The following ZFP91 variants were observed in gnomAD, a reference collection of about 807,000 sequenced individuals.
ZFP91 encodes the protein E3 ubiquitin-protein ligase ZFP91.
A neutral mutation model predicts 63.5 loss-of-function variants in ZFP91; 7 were observed. The ratio of observed to expected loss-of-function variants is 0.11; its 90% confidence interval spans 0.06 to 0.21. The LOEUF (loss-of-function observed/expected upper bound fraction) is 0.21, where lower values mean the gene tolerates loss of function less well. ZFP91 is among the 10% of genes least tolerant of loss of function. The pLI is 1.00. For synonymous variants in ZFP91, 330 were observed against 272.1 expected, an observed-to-expected ratio of 1.21 and a Z score of -2.10; for missense variants, 628 against 736.6, an observed-to-expected ratio of 0.85 and a Z score of 1.71.
intron 2 of ZFP91, among the ~76,000 whole-genome samples, chr11:58,593,548 T>C (rs1855344942): frequency 6.6e-6 from 1 of 152,206 alleles, no homozygotes; most frequent in Non-Finnish European, 1.5e-5. Context: ...ATAAGCCAGA[T>C]GTTGGGGATA....
At position 58,618,187 on chromosome 11, in the gene ZFP91, C is replaced by G. The variant is rs1855783354; in HGVS notation, c.*481C>G. On this transcript the variant is annotated 3_prime_UTR_variant, in exon 11 of 11. Coordinates refer to ENST00000316059, the MANE Select transcript of ZFP91 (RefSeq NM_053023.5). ...TTCAAATACCATAGAATTCTAATCTCTGGAGGCTGGCAGCTTGACTTGGCA... is the reference window on the plus strand; with the variant it reads ...TTCAAATACCATAGAATTCTAATCTGTGGAGGCTGGCAGCTTGACTTGGCA... 1 of 158,018 alleles carries G rather than the reference C, an allele frequency of 6.3e-6. No individual in the cohort carries two copies. Among genetic ancestry groups the G allele is most frequent in the Non-Finnish European group, 1.4e-5 (1 of 71,880 alleles). The allele number at this position is 158,018 out of a possible 1,614,324, so 9.8% of individuals were successfully genotyped here.
Position 58,584,794 on chromosome 11 carries a change from T to C in ZFP91, c.342-62T>C, listed in dbSNP as rs1855176801. On this transcript the variant is annotated intron_variant, in intron 1 of 10. Transcript: ENST00000316059. ...ACTCTGGAGGTGAACCTGAAAGAGA[T>C]ATTTATATTTTCAGAAAATGTGCTA... 4.3e-6 allele frequency: 6 copies of C among 1,404,946 alleles called. No individual in the cohort carries two copies. In the Admixed American group the frequency reaches 7.3e-5, roughly 17 times the overall value. 87.0% of individuals were successfully genotyped at this position (1,404,946 alleles called of 1,614,324 possible). A position where few individuals can be genotyped will look rare whatever the true frequency, so the allele number is the denominator to read the frequency against.
intron 2 of ZFP91, among the ~76,000 whole-genome samples, chr11:58,587,561 G>T (rs1000321348): frequency 2.0e-5 from 3 of 152,174 alleles, no homozygotes; most frequent in Non-Finnish European, 4.4e-5. Context: ...CTTCATGATT[G>T]TGGAGTTTCC....
intron 2 of ZFP91, among the ~76,000 whole-genome samples, chr11:58,596,556 G>T (rs574821402): frequency 6.6e-6 from 1 of 152,238 alleles, no homozygotes; most frequent in South Asian, 2.1e-4. Context: ...CTTATATGTT[G>T]TCTTTCTGAT....
rs1039421567 is a variant in ZFP91, at chr11:58,619,474, G to A, written c.*1768G>A. ...CATGATGGCTCTTGGAAAGAATGAC[G>A]TTTTGCTGGAAAAAAAAAAAAGAAC... On this transcript the variant is annotated 3_prime_UTR_variant, in exon 11 of 11. Coordinates refer to ENST00000316059, the MANE Select transcript of ZFP91 (RefSeq NM_053023.5). 4 of 150,890 alleles carry A rather than the reference G, an allele frequency of 2.7e-5. No homozygotes were observed. Among genetic ancestry groups the A allele is most frequent in the Non-Finnish European group, 4.4e-5 (3 of 67,716 alleles). The allele number at this position is 150,890 out of a possible 1,614,324, so 9.3% of individuals were successfully genotyped here.
chr11:58,592,983 T>C (rs1855333489), intron 2 of ZFP91, among the ~76,000 whole-genome samples: 1 of 151,954 alleles, frequency 6.6e-6, no homozygotes, highest in Non-Finnish European at 1.5e-5. Context: ...GGGGCTAGGC[T>C]CTTAAACAAC....
intron 2 of ZFP91, 119 bp from the exon 3 acceptor site, chr11:58,609,711 G>GT: frequency 5.9e-5 from 54 of 911,548 alleles, no homozygotes; most frequent in Non-Finnish European, 8.0e-5. Flanking sequence ...AAAGTCTTCA[G>GT]TTTTTTTTCC....
chr11:58,591,297 G>A (rs867156456), intron 2 of ZFP91, among the ~76,000 whole-genome samples: 24 of 152,130 alleles, frequency 1.6e-4, no homozygotes, highest in African/African-American at 5.8e-4. Flanking sequence ...GTCATAGATC[G>A]TTTATTTTAG....
chr11:58,601,684 C>T (rs1328256401), intron 2 of ZFP91, among the ~76,000 whole-genome samples: 1 of 151,560 alleles, frequency 6.6e-6, no homozygotes, highest in Non-Finnish European at 1.5e-5. Context: ...TCACTGCATC[C>T]CCTAGGTTTT....
chr11:58,619,015 T>G lies in ZFP91; in HGVS notation c.*1309T>G, dbSNP rs1754947389. 4.9e-6 allele frequency: 1 copy of G among 204,758 alleles called. No homozygotes were observed. The highest frequency in any genetic ancestry group is 2.4e-5 in the African/African-American group (1 of 41,996). The allele number at this position is 204,758 out of a possible 1,614,324, so 12.7% of individuals were successfully genotyped here. A position where few individuals can be genotyped will look rare whatever the true frequency, so the allele number is the denominator to read the frequency against. ...TTGGGGCCCATCTCTGGCTCCTTGC[T>G]TTTTGTTTCTTGCTTTGCTTTATCA... is the stretch of plus-strand genomic sequence containing the variant. On this transcript the variant is annotated 3_prime_UTR_variant, in exon 11 of 11. Transcript: ENST00000316059.
chr11:58,619,492 AAAAG>A lies in ZFP91; in HGVS notation c.*1789_*1792del, dbSNP rs1855810688. 6.5e-6 allele frequency: 1 copy of A among 152,738 alleles called. No individual in the cohort carries two copies. Among genetic ancestry groups the A allele is most frequent in the Admixed American group, 6.5e-5 (1 of 15,298 alleles). The allele number at this position is 152,738 out of a possible 1,614,324, so 9.5% of individuals were successfully genotyped here. A position where few individuals can be genotyped will look rare whatever the true frequency, so the allele number is the denominator to read the frequency against. On this transcript the variant is annotated 3_prime_UTR_variant, in exon 11 of 11. Coordinates refer to ENST00000316059, the MANE Select transcript of ZFP91 (RefSeq NM_053023.5). The stretch of plus-strand genomic sequence containing the variant: ...GAATGACGTTTTGCTGGAAAAAAAA[AAAAG>A]AACAGTTTGTGTTTCACAAACATGG...
rs1345971461 is a variant in ZFP91, at chr11:58,587,917, A to G, written c.370+3033A>G. Among the ~76,000 whole-genome samples, 7 of 152,190 alleles carry G rather than the reference A, an allele frequency of 4.6e-5. No homozygotes were observed. In the East Asian group the frequency reaches 1.2e-3, roughly 25 times the overall value. On this transcript the variant is annotated intron_variant, in intron 2 of 10. Coordinates refer to ENST00000316059, the MANE Select transcript of ZFP91 (RefSeq NM_053023.5). ...TGTTTTAAATGTTTAATGGAATGAT[A>G]ATAAATACTGTAGAATCAAGTAGAT...
At chr11:58,583,766 TA>T (rs1431562488) in intron 1 of ZFP91, among the ~76,000 whole-genome samples, 2 of 152,108 alleles carry the variant, frequency 1.3e-5, no homozygotes, top group East Asian at 3.8e-4. Flanking sequence ...CAGTCTTTTT[TA>T]AAAAAGTATG....
At chr11:58,600,940 TGTGG>T (rs1247331359) in intron 2 of ZFP91, among the ~76,000 whole-genome samples, 1 of 152,216 alleles carries the variant, frequency 6.6e-6, no homozygotes, top group African/African-American at 2.4e-5. Flanking sequence ...TCTTTATTAA[TGTGG>T]GATATTACAT....
At chr11:58,580,842 C>G (rs921507218) in intron 1 of ZFP91, among the ~76,000 whole-genome samples, 2 of 152,126 alleles carry the variant, frequency 1.3e-5, no homozygotes, top group South Asian at 4.1e-4. Flanking sequence ...CTGTCGACAG[C>G]AAAAATCTGT....
At chr11:58,612,885 T>G in intron 8 of ZFP91, 45 bp downstream of exon 8, 1 of 1,526,314 alleles carries the variant, frequency 6.6e-7, no homozygotes, top group Non-Finnish European at 9.0e-7. Context: ...TGTGTTCCAT[T>G]ACTTGTTCTT....
chr11:58,580,043 C>G (rs1855082816), intron 1 of ZFP91, among the ~76,000 whole-genome samples: 1 of 152,048 alleles, frequency 6.6e-6, no homozygotes, highest in Admixed American at 6.5e-5. Flanking sequence ...ATGATTCCCC[C>G]CCGCCTTCGC....
At chr11:58,603,039 T>A (rs1178790401) in intron 2 of ZFP91, among the ~76,000 whole-genome samples, 1 of 151,950 alleles carries the variant, frequency 6.6e-6, no homozygotes, top group Non-Finnish European at 1.5e-5. Context: ...AACAGAAATA[T>A]GAGTGTTAAA....
rs1365367002 is a variant in ZFP91 at position 58,611,646 on chromosome 11, AGAGAAG to A, written c.772_777del (p.Glu258_Lys259del). The A allele has an allele frequency of 3.1e-6, 5 of 1,612,960 alleles. No individual in the cohort carries two copies. Among genetic ancestry groups the A allele is most frequent in the Admixed American group, 3.3e-5 (2 of 59,932 alleles). On this transcript the variant is annotated inframe_deletion, in exon 6 of 11. Transcript: ENST00000316059. ...GGAGAAAATCAGGGAAGGTAAAAGA[AGAGAAG>A]GAGAAGAAGGAAATTAAAGTGGAAG...
Sources: gnomAD v4.1 joint callset for allele counts (sites outside exome capture counted in the v4.1 genomes callset) on GRCh38, gnomAD v4.1.1 for gene constraint, MANE v1.5 for transcripts, NCBI Gene and HGNC (gene_info 2026-07-23, HGNC 2026-07-21) for gene names.